Variants in GPATCH2 observed in about 807,000 individuals in gnomAD.
The protein encoded by GPATCH2 is G patch domain-containing protein 2.
In GPATCH2, 51 loss-of-function variants were observed where a neutral mutation model predicts 58.0. That is an observed-to-expected ratio of 0.88 (90% CI 0.70 to 1.11). The LOEUF is 1.11. GPATCH2 is among the 50% of genes most tolerant of loss of function. The probability of loss-of-function intolerance (pLI) is 0.00; values close to 1 mark genes in which losing one functional copy is unlikely to be tolerated. For missense variants in GPATCH2, 625 were observed against 652.2 expected, an observed-to-expected ratio of 0.96 and a Z score of 0.45; for synonymous variants, 222 against 218.5, an observed-to-expected ratio of 1.02 and a Z score of -0.14.
At chr1:217,499,683 T>C (rs1445273147) in intron 6 of GPATCH2, among the ~76,000 whole-genome samples, 1 of 151,958 alleles carries the variant, frequency 6.6e-6, no homozygotes, top group Non-Finnish European at 1.5e-5. Context: ...TCTTTCATTG[T>C]AGTTCCTCTG....
intron 5 of GPATCH2, among the ~76,000 whole-genome samples, chr1:217,519,575 T>C (rs1456863731): frequency 6.6e-6 from 1 of 152,210 alleles, no homozygotes; most frequent in African/African-American, 2.4e-5. Flanking sequence ...CTCCAATCCA[T>C]CTTACCAACG....
chr1:217,483,248 A>G (rs990130695), intron 8 of GPATCH2, among the ~76,000 whole-genome samples: 1 of 151,784 alleles, frequency 6.6e-6, no homozygotes, highest in African/African-American at 2.4e-5. Context: ...GCAGTGGTAC[A>G]ATCTTGGCTC....
chr1:217,520,198 T>C (rs144118485), intron 5 of GPATCH2, among the ~76,000 whole-genome samples: 5 of 152,292 alleles, frequency 3.3e-5, no homozygotes, highest in African/African-American at 4.8e-5. Context: ...ATATGTCTAA[T>C]GCTAGGGAGA....
At chr1:217,471,478 G>A (rs2102502557) in intron 8 of GPATCH2, among the ~76,000 whole-genome samples, 1 of 152,212 alleles carries the variant, frequency 6.6e-6, no homozygotes, top group South Asian at 2.1e-4. Context: ...TGACAGTATG[G>A]GGAAGACTGA....
chr1:217,507,139 G>T (rs1662602174), intron 6 of GPATCH2, among the ~76,000 whole-genome samples: 2 of 152,166 alleles, frequency 1.3e-5, no homozygotes, highest in Admixed American at 1.3e-4. Context: ...TCTTCTGAAT[G>T]AATGGACAAA....
chr1:217,499,116 C>T (rs961294653), intron 6 of GPATCH2, among the ~76,000 whole-genome samples: 1 of 152,058 alleles, frequency 6.6e-6, no homozygotes, highest in African/African-American at 2.4e-5. Flanking sequence ...TGGCATTATT[C>T]TGCATAAAAA....
At chr1:217,523,208 G>A (rs1244135063) in intron 5 of GPATCH2, among the ~76,000 whole-genome samples, 1 of 151,494 alleles carries the variant, frequency 6.6e-6, no homozygotes, top group Non-Finnish European at 1.5e-5. Context: ...TCATTCTTGG[G>A]TGTTTCTCCC....
rs1226981154 is a variant in GPATCH2, at chr1:217,584,364, T to TATATATATACACAC, written c.1098+25956_1098+25957insGTGTGTATATATAT. 4.8e-3 allele frequency among the ~76,000 whole-genome samples: 582 copies of TATATATATACACAC among 121,010 alleles called. 6 individuals are homozygous for TATATATATACACAC. The highest frequency in any genetic ancestry group is 0.017 in the African/African-American group (554 of 32,178). The allele number at this position is 121,010 out of a possible 152,430, so 79.4% of individuals were successfully genotyped here. A position where few individuals can be genotyped will look rare whatever the true frequency, so the allele number is the denominator to read the frequency against. On this transcript the variant is annotated intron_variant, in intron 5 of 9. Transcript: ENST00000366935. The stretch of plus-strand genomic sequence containing the variant: ...AAAAAAATATATATATATATATATA[T>TATATATATACACAC]ACACACACACAAAAATTAGCCAGGC...
chr1:217,630,950 G>T lies in GPATCH2; in HGVS notation c.22C>A (p.Gln8Lys). The T allele has an allele frequency of 6.3e-7, 1 of 1,588,458 alleles. No individual in the cohort carries two copies. The highest frequency in any genetic ancestry group is 1.7e-4 in the Middle Eastern group (1 of 6,050). The change falls in exon 1 of 10, where the codon CAA (glutamine) becomes AAA (lysine). Residue 8 changes from glutamine to lysine, a missense_variant. Physicochemically the swap from Gln to Lys is moderately conservative, Grantham distance 53 (BLOSUM62 1). Transcript: ENST00000366935. ...CCGGCTGCTGGAGCTCCGATCGGTT[G>T]GCGCCCGGCGGCCCCGAACATTAAC... Reference protein sequence around the residue: MFGAAGRQPIGAPAAGNS... With the variant: MFGAAGRKPIGAPAAGNS...
At chr1:217,529,836 C>T (rs913747606) in intron 5 of GPATCH2, among the ~76,000 whole-genome samples, 4 of 152,182 alleles carry the variant, frequency 2.6e-5, no homozygotes, top group African/African-American at 9.6e-5. Context: ...TTGCTCTCCA[C>T]ACTTACAAAC....
At chr1:217,454,479 C>G (rs1659833250) in intron 8 of GPATCH2, among the ~76,000 whole-genome samples, 1 of 147,806 alleles carries the variant, frequency 6.8e-6, no homozygotes, top group African/African-American at 2.5e-5. Flanking sequence ...GTCCCAGCTA[C>G]TCGGGAGGCT....
chr1:217,483,487 C>T (rs1661309599), intron 8 of GPATCH2, among the ~76,000 whole-genome samples: 1 of 151,768 alleles, frequency 6.6e-6, no homozygotes, highest in Non-Finnish European at 1.5e-5. Context: ...GCCTAGACCC[C>T]CCATTGCTTT....
rs143355078 is a variant in GPATCH2, at chr1:217,482,639, C to A, written c.1277+9041G>T. On this transcript the variant is annotated intron_variant, in intron 8 of 9. Transcript: ENST00000366935. ...GTCACATCACATATAGTCTTGTAGGCCAAAAAGAAAAGACTTCAGTTTTTA... is the reference window on the plus strand; with the variant it reads ...GTCACATCACATATAGTCTTGTAGGACAAAAAGAAAAGACTTCAGTTTTTA... 4.3e-3 allele frequency among the ~76,000 whole-genome samples: 652 copies of A among 151,402 alleles called. 1 individual carries two copies. Among genetic ancestry groups the A allele is most frequent in the African/African-American group, 0.015 (610 of 41,236 alleles).
intron 5 of GPATCH2, among the ~76,000 whole-genome samples, chr1:217,529,309 T>C (rs1050953968): frequency 7.9e-5 from 12 of 152,310 alleles, no homozygotes; most frequent in South Asian, 4.1e-4. Flanking sequence ...GTCCCTGGCA[T>C]AATGGTATTG....
At chr1:217,592,663 A>G (rs1667644509) in intron 5 of GPATCH2, among the ~76,000 whole-genome samples, 1 of 151,976 alleles carries the variant, frequency 6.6e-6, no homozygotes, top group African/African-American at 2.4e-5. Context: ...ACTGATTTCA[A>G]TCACTTAGGG....
At chr1:217,524,158 C>T (rs946590792) in intron 5 of GPATCH2, among the ~76,000 whole-genome samples, 1 of 149,506 alleles carries the variant, frequency 6.7e-6, no homozygotes, top group Non-Finnish European at 1.5e-5. Context: ...GGCTGCCGGG[C>T]GGAGGCTCCT....
At chr1:217,620,607 A>C (rs1207582460) in intron 1 of GPATCH2, 108 bp from the exon 2 acceptor site, 2 of 665,064 alleles carry the variant, frequency 3.0e-6, no homozygotes, top group Admixed American at 5.4e-5. Flanking sequence ...TAATGATTAC[A>C]AAATGTTTCA....
At chr1:217,512,239 G>A (rs11117878) in intron 6 of GPATCH2, among the ~76,000 whole-genome samples, 1 of 151,916 alleles carries the variant, frequency 6.6e-6, no homozygotes, top group African/African-American at 2.4e-5. Context: ...AGGGGATCAC[G>A]TAAGCCTGGG....
chr1:217,628,958 A>G (rs1157671174), intron 1 of GPATCH2, among the ~76,000 whole-genome samples: 1 of 152,092 alleles, frequency 6.6e-6, no homozygotes, highest in African/African-American at 2.4e-5. Flanking sequence ...TCATCCTGCA[A>G]ATATGATACT....
Sources: gnomAD v4.1 joint callset for allele counts (sites outside exome capture counted in the v4.1 genomes callset) on GRCh38, gnomAD v4.1.1 for gene constraint, MANE v1.5 for transcripts, NCBI Gene and HGNC (gene_info 2026-07-23, HGNC 2026-07-21) for gene names.